The following RGS7 variants were observed in gnomAD, a reference collection of about 807,000 sequenced individuals.
RGS7 encodes regulator of G protein signaling 7.
Under a neutral mutation model 81.1 loss-of-function variants are expected in RGS7, and 27 were observed. That is an observed-to-expected ratio of 0.33 (90% confidence interval 0.25 to 0.46). The LOEUF (loss-of-function observed/expected upper bound fraction) is 0.46, where lower values mean the gene tolerates loss of function less well. Among genes scored for constraint, RGS7 ranks in the 20% least tolerant of loss-of-function variants. The pLI is 1.00. For synonymous variants in RGS7, 208 were observed against 207.7 expected (o/e 1.00, Z -0.01); for missense variants, 396 against 607.4 (o/e 0.65, Z 3.66).
intron 3 of RGS7, among the ~76,000 whole-genome samples, chr1:241,028,848 T>G (rs7524479): frequency 1.3e-5 from 2 of 151,938 alleles, no homozygotes; most frequent in African/African-American, 2.4e-5. Context: ...ATAAAACCGA[T>G]GCGACGATGA....
chr1:240,775,236 T>C (rs1682781161), downstream of RGS7, among the ~76,000 whole-genome samples: 2 of 152,218 alleles, frequency 1.3e-5, no homozygotes, highest in Admixed American at 6.5e-5. Flanking sequence ...TACAGATGCA[T>C]ATTCATCATG....
At chr1:241,007,457 T>C (rs1158265714) in intron 3 of RGS7, among the ~76,000 whole-genome samples, 1 of 152,214 alleles carries the variant, frequency 6.6e-6, no homozygotes, top group East Asian at 1.9e-4. Flanking sequence ...GTTAAGTTTT[T>C]GGGGAAGTCA....
At chr1:240,830,535 A>G (rs1461844001) in intron 9 of RGS7, among the ~76,000 whole-genome samples, 1 of 152,250 alleles carries the variant, frequency 6.6e-6, no homozygotes, top group Non-Finnish European at 1.5e-5. Context: ...CAGCAGAGAA[A>G]GGCCGAGAAA....
chr1:241,101,648 A>G (rs2064751570), intron 2 of RGS7, among the ~76,000 whole-genome samples: 1 of 152,190 alleles, frequency 6.6e-6, no homozygotes, highest in Non-Finnish European at 1.5e-5. Flanking sequence ...GAAACATGAA[A>G]ATAGACATAC....
intron 2 of RGS7, among the ~76,000 whole-genome samples, chr1:241,337,484 T>C (rs1031339166): frequency 2.6e-5 from 4 of 152,092 alleles, no homozygotes; most frequent in Non-Finnish European, 5.9e-5. Context: ...GCATACTGTA[T>C]GTTGTGCCAC....
chr1:241,252,339 G>A (rs559962596), intron 2 of RGS7, among the ~76,000 whole-genome samples: 7 of 152,140 alleles, frequency 4.6e-5, no homozygotes, highest in South Asian at 2.1e-4. Context: ...CCACAGCGCC[G>A]GACCTTGACT....
At chr1:240,972,848 C>CA (rs35291771) in intron 4 of RGS7, among the ~76,000 whole-genome samples, 32,108 of 74,892 alleles carry the variant, frequency 0.43, 5,918 homozygotes, top group East Asian at 0.62. Flanking sequence ...CCCCGCCTCT[C>CA]AAAAAAAAAA....
chr1:240,943,261 A>G (rs1677908063), intron 4 of RGS7, among the ~76,000 whole-genome samples: 1 of 152,230 alleles, frequency 6.6e-6, no homozygotes, highest in Admixed American at 6.5e-5. Flanking sequence ...CTAGGTTCAC[A>G]TCCCGGGTCC....
chr1:240,815,818 T>C lies in RGS7; in HGVS notation c.783+499A>G, dbSNP rs139880388. On this transcript the variant is annotated intron_variant, in intron 11 of 18. Transcript: ENST00000440928. Reference sequence around the variant, plus strand: ...AATGCTAAAAAAAAGAGGTAGTGTATAGCATGACTCCATGGCTGTACGCCA... The same window carrying C: ...AATGCTAAAAAAAAGAGGTAGTGTACAGCATGACTCCATGGCTGTACGCCA... Among the ~76,000 whole-genome samples, 518 of 152,250 alleles carry C rather than the reference T, an allele frequency of 3.4e-3. 2 individuals carry two copies. The highest frequency in any genetic ancestry group is 5.2e-3 in the Non-Finnish European group (353 of 68,014).
intron 6 of RGS7, among the ~76,000 whole-genome samples, chr1:240,894,022 A>C (rs1391867908): frequency 2.0e-5 from 3 of 152,134 alleles, no homozygotes; most frequent in African/African-American, 7.2e-5. Flanking sequence ...TGGTCTGTGA[A>C]TGGAAAACTC....
chr1:240,950,929 T>C (rs947631989), intron 4 of RGS7, among the ~76,000 whole-genome samples: 3 of 148,450 alleles, frequency 2.0e-5, no homozygotes, highest in African/African-American at 7.3e-5. Flanking sequence ...CTCTCTCTCT[T>C]TTTTTTTTTT....
At position 240,868,935 on chromosome 1, in the gene RGS7, A is replaced by G; in HGVS notation, c.451-83T>C. On this transcript the variant is annotated intron_variant, in intron 7 of 18. Transcript: ENST00000440928. This position sits in a 1 kb window ranked among gnomAD's most constrained non-coding sequence, Gnocchi z 5.1. ...GCTTAGTTACCACTTGTATTTGTCA[A>G]GGAAACAAATAGAGAGTTTCTAAAG... is the stretch of plus-strand genomic sequence containing the variant. The G allele has an allele frequency of 7.9e-7, 1 of 1,262,304 alleles. No homozygotes were observed. Among genetic ancestry groups the G allele is most frequent in the Non-Finnish European group, 1.2e-6 (1 of 859,706 alleles). The allele number at this position is 1,262,304 out of a possible 1,614,324, so 78.2% of individuals were successfully genotyped here.
At chr1:241,133,999 G>T (rs2067306769) in intron 2 of RGS7, among the ~76,000 whole-genome samples, 1 of 152,178 alleles carries the variant, frequency 6.6e-6, no homozygotes, top group Admixed American at 6.5e-5. Flanking sequence ...GCAAAGGAAA[G>T]CAGTAAGTCC....
intron 3 of RGS7, among the ~76,000 whole-genome samples, chr1:241,042,553 A>C (rs1408525016): frequency 6.6e-6 from 1 of 152,244 alleles, no homozygotes. Context: ...AAAATAATAC[A>C]TACAGAAAAA....
intron 10 of RGS7, among the ~76,000 whole-genome samples, chr1:240,821,481 A>G (rs1222177605): frequency 6.6e-6 from 1 of 152,042 alleles, no homozygotes; most frequent in East Asian, 1.9e-4. Flanking sequence ...CTCTTTATTC[A>G]TTTTCATTTG....
At chr1:241,198,054 A>C (rs1046248532) in intron 2 of RGS7, among the ~76,000 whole-genome samples, 2 of 151,992 alleles carry the variant, frequency 1.3e-5, no homozygotes, top group Non-Finnish European at 2.9e-5. Flanking sequence ...GAAATGGGTA[A>C]GAAAAATAAG....
intron 3 of RGS7, among the ~76,000 whole-genome samples, chr1:241,009,745 G>T (rs2058858732): frequency 6.6e-6 from 1 of 152,158 alleles, no homozygotes; most frequent in African/African-American, 2.4e-5. Flanking sequence ...CATGTTAGAA[G>T]GCATACTGCA....
intron 14 of RGS7, among the ~76,000 whole-genome samples, chr1:240,809,791 C>G (rs1348391204): frequency 6.6e-6 from 1 of 152,040 alleles, no homozygotes; most frequent in East Asian, 1.9e-4. Context: ...TTTCATTTAT[C>G]TACTGATCTA....
intron 3 of RGS7, among the ~76,000 whole-genome samples, chr1:241,060,522 A>G (rs1447210232): frequency 6.6e-6 from 1 of 152,172 alleles, no homozygotes; most frequent in Non-Finnish European, 1.5e-5. Context: ...TATGCCTCAA[A>G]CCAAGAAACT....
Sources: gnomAD v4.1 joint callset for allele counts (sites outside exome capture counted in the v4.1 genomes callset) on GRCh38, gnomAD v4.1.1 for gene constraint, Gnocchi (gnomAD v3.1) non-coding constraint, MANE v1.5 for transcripts, NCBI Gene and HGNC (gene_info 2026-07-23, HGNC 2026-07-21) for gene names.